The following LAMA3 variants were observed in gnomAD, a reference collection of about 807,000 sequenced individuals.
The protein encoded by LAMA3 is laminin subunit alpha-3.
Under a neutral mutation model 402.0 loss-of-function variants are expected in LAMA3, and 281 were observed. The ratio of observed to expected loss-of-function variants is 0.70; its 90% CI spans 0.63 to 0.77. LAMA3 has a LOEUF of 0.77. Ranked by LOEUF, LAMA3 falls within the 30% of genes least tolerant of loss-of-function variation. The pLI is 0.00. For synonymous variants in LAMA3, 1,431 were observed against 1,558.4 expected, an observed-to-expected ratio of 0.92 and a Z score of 1.93; for missense variants, 3,840 against 4,215.5, an observed-to-expected ratio of 0.91 and a Z score of 2.47.
At chr18:23,729,764 G>C (rs1426840774) in intron 2 of LAMA3, among the ~76,000 whole-genome samples, 5 of 152,248 alleles carry the variant, frequency 3.3e-5, no homozygotes, top group Non-Finnish European at 7.3e-5. Context: ...AAGGGGAAAT[G>C]GGAAGCCCAG....
At chr18:23,843,568 C>A (rs2063751563) in intron 29 of LAMA3, among the ~76,000 whole-genome samples, 1 of 152,198 alleles carries the variant, frequency 6.6e-6, no homozygotes, top group South Asian at 2.1e-4. Flanking sequence ...CCTGGCAGCA[C>A]TCCCTTCCTG....
Position 23,797,798 on chromosome 18 carries a change from TTA to T in LAMA3, c.1604-12566_1604-12565del, listed in dbSNP as rs1400684374. 2.0e-5 allele frequency among the ~76,000 whole-genome samples: 3 copies of T among 152,336 alleles called. No individual in the cohort carries two copies. The South Asian group carries it at 6.2e-4, about 32-fold the overall frequency. Reference sequence around the variant, plus strand: ...GCTTTTGCCAACTGTAGTCCTGGATTTATGTTTTGCATTAAATTAATTTACTC... The same window carrying T: ...GCTTTTGCCAACTGTAGTCCTGGATTTGTTTTGCATTAAATTAATTTACTC... On this transcript the variant is annotated intron_variant, in intron 12 of 74. Coordinates refer to ENST00000313654, the MANE Select transcript of LAMA3 (RefSeq NM_198129.4).
intron 67 of LAMA3, among the ~76,000 whole-genome samples, chr18:23,938,819 A>AAG (rs1568367712): frequency 6.6e-5 from 10 of 151,544 alleles, no homozygotes; most frequent in African/African-American, 2.4e-4. Flanking sequence ...CATGCTCCCC[A>AAG]AAGGAGGGAG....
At chr18:23,708,857 G>A (rs2145884289) in intron 1 of LAMA3, among the ~76,000 whole-genome samples, 2 of 150,700 alleles carry the variant, frequency 1.3e-5, no homozygotes, top group South Asian at 4.2e-4. Flanking sequence ...AAGCTCCTGG[G>A]CTCAAGCAAT....
intron 12 of LAMA3, among the ~76,000 whole-genome samples, chr18:23,790,949 C>T (rs2062639909): frequency 6.6e-6 from 1 of 151,242 alleles, no homozygotes; most frequent in African/African-American, 2.4e-5. Flanking sequence ...AGTGCAGTGG[C>T]GCGATCTCGG....
chr18:23,771,787 G>T (rs1174618742), intron 8 of LAMA3, among the ~76,000 whole-genome samples: 1 of 152,126 alleles, frequency 6.6e-6, no homozygotes, highest in Non-Finnish European at 1.5e-5. Flanking sequence ...GTGGGGGAGT[G>T]TAAAGGTGTT....
At chr18:23,781,357 C>G (rs1470075636) in intron 11 of LAMA3, 1 of 447,734 alleles carries the variant, frequency 2.2e-6, no homozygotes, top group Non-Finnish European at 4.5e-6. Flanking sequence ...GTCCTTGCCA[C>G]TTCTGAAAAG....
chr18:23,843,548 G>A (rs1248537695), intron 29 of LAMA3, among the ~76,000 whole-genome samples: 3 of 152,116 alleles, frequency 2.0e-5, no homozygotes, highest in African/African-American at 4.8e-5. Context: ...CACTTGGGCA[G>A]GGCCAGCCTC....
intron 35 of LAMA3, among the ~76,000 whole-genome samples, chr18:23,864,428 G>A (rs2064301910): frequency 6.6e-6 from 1 of 151,986 alleles, no homozygotes; most frequent in African/African-American, 2.4e-5. Flanking sequence ...GGGTCTCGCT[G>A]TATTGCCCTG....
At chr18:23,730,308 T>G (rs1236379856) in intron 2 of LAMA3, among the ~76,000 whole-genome samples, 1 of 152,128 alleles carries the variant, frequency 6.6e-6, no homozygotes, top group African/African-American at 2.4e-5. Flanking sequence ...CATTGCCATT[T>G]TCTTTCCATC....
At chr18:23,882,839 G>A (rs538950180) in intron 40 of LAMA3, among the ~76,000 whole-genome samples, 3 of 152,262 alleles carry the variant, frequency 2.0e-5, no homozygotes, top group Admixed American at 6.5e-5. Flanking sequence ...GTGGCAGGGA[G>A]GGAGAGAAAG....
intron 2 of LAMA3, among the ~76,000 whole-genome samples, chr18:23,741,054 C>T (rs906077014): frequency 3.9e-5 from 6 of 151,912 alleles, no homozygotes; most frequent in African/African-American, 9.7e-5. Context: ...CCCAGGTTCA[C>T]GCCATTCTCC....
chr18:23,771,412 T>C (rs1383269489), intron 8 of LAMA3, among the ~76,000 whole-genome samples: 2 of 152,182 alleles, frequency 1.3e-5, no homozygotes, highest in East Asian at 3.8e-4. Flanking sequence ...GAGTTGATGA[T>C]GGAGATTGAC....
chr18:23,773,162 G>T (rs914482983), intron 8 of LAMA3, among the ~76,000 whole-genome samples: 15 of 152,194 alleles, frequency 9.9e-5, no homozygotes, highest in African/African-American at 3.6e-4. Flanking sequence ...TCTGAATGAG[G>T]CTACGAGAAC....
In LAMA3 at chr18:23,693,530, CAA is replaced by C. The variant is rs34337453; in HGVS notation, c.294+3568_294+3569del. ...AGCTCTTGAGAGTGAGACTCTGTAT[CAA>C]AAAAAAAAAAAAAAGAGAAACGTAC... On this transcript the variant is annotated intron_variant, in intron 1 of 74. Coordinates refer to ENST00000313654, the MANE Select transcript of LAMA3 (RefSeq NM_198129.4). 3.5e-3 allele frequency among the ~76,000 whole-genome samples: 398 copies of C among 113,122 alleles called. 2 individuals are homozygous for C. Among genetic ancestry groups the C allele is most frequent in the African/African-American group, 0.011 (360 of 32,734 alleles). 74.2% of individuals were successfully genotyped at this position (113,122 alleles called of 152,430 possible). A position where few individuals can be genotyped will look rare whatever the true frequency, so the allele number is the denominator to read the frequency against.
At chr18:23,718,936 G>A (rs2061160482) in intron 2 of LAMA3, among the ~76,000 whole-genome samples, 1 of 152,168 alleles carries the variant, frequency 6.6e-6, no homozygotes, top group Non-Finnish European at 1.5e-5. Flanking sequence ...ATAGTTGGTG[G>A]GAAAATACCG....
At chr18:23,786,359 C>G (rs529995964) in intron 12 of LAMA3, among the ~76,000 whole-genome samples, 1 of 152,312 alleles carries the variant, frequency 6.6e-6, no homozygotes, top group African/African-American at 2.4e-5. Flanking sequence ...CTTCTGCAGT[C>G]CTGTATAGCA....
At chr18:23,854,038 C>T (rs569523036) in intron 32 of LAMA3, among the ~76,000 whole-genome samples, 27 of 152,314 alleles carry the variant, frequency 1.8e-4, no homozygotes, top group East Asian at 5.8e-4. Context: ...GCAGGCCCAG[C>T]GGGGCCACTC....
chr18:23,797,490 C>T (rs2062787029), intron 12 of LAMA3, among the ~76,000 whole-genome samples: 1 of 152,106 alleles, frequency 6.6e-6, no homozygotes, highest in Admixed American at 6.5e-5. Flanking sequence ...AAGTTTGGTG[C>T]ACCACCTGAG....
Sources: gnomAD v4.1 joint callset for allele counts (sites outside exome capture counted in the v4.1 genomes callset) on GRCh38, gnomAD v4.1.1 for gene constraint, MANE v1.5 for transcripts, NCBI Gene and HGNC (gene_info 2026-07-23, HGNC 2026-07-21) for gene names.